Variants in CADM2 observed in about 807,000 individuals in gnomAD.
CADM2 encodes cell adhesion molecule 2.
CADM2 carries 12 observed loss-of-function variants against 49.8 expected under a neutral mutation model. The observed-to-expected ratio is 0.24, with a 90% CI of 0.15 to 0.39. CADM2 has a LOEUF of 0.39. CADM2 is among the 10% of genes least tolerant of loss of function. The pLI is 1.00. For missense variants in CADM2, 378 were observed against 492.3 expected, an observed-to-expected ratio of 0.77 and a Z score of 2.20; for synonymous variants, 214 against 175.4, an observed-to-expected ratio of 1.22 and a Z score of -1.74.
chr3:85,349,963 T>A (rs763881936), intron 1 of CADM2, among the ~76,000 whole-genome samples: 3 of 152,212 alleles, frequency 2.0e-5, no homozygotes, highest in Non-Finnish European at 2.9e-5. Context: ...TGCCTGCTGA[T>A]GTTTCATTGA....
intron 1 of CADM2, among the ~76,000 whole-genome samples, chr3:85,157,756 T>A (rs564944406): frequency 2.0e-5 from 3 of 151,906 alleles, no homozygotes; most frequent in South Asian, 2.1e-4. Flanking sequence ...AACCTAGGCA[T>A]TACCATTCAG....
At chr3:85,989,155 C>T (rs933182410) in intron 8 of CADM2, among the ~76,000 whole-genome samples, 3 of 152,094 alleles carry the variant, frequency 2.0e-5, no homozygotes, top group Non-Finnish European at 4.4e-5. Context: ...TAATGGCCAT[C>T]TCAAAGGGGT....
rs372578882 is a variant in CADM2 at position 86,021,850 on chromosome 3, TAA to T, written c.971-43754_971-43753del. 1.6e-4 allele frequency among the ~76,000 whole-genome samples: 24 copies of T among 152,150 alleles called. 1 individual carries two copies. Among genetic ancestry groups the T allele is most frequent in the African/African-American group, 5.5e-4 (23 of 41,512 alleles). On this transcript the variant is annotated intron_variant, in intron 8 of 9. Coordinates refer to ENST00000383699, the MANE Select transcript of CADM2 (RefSeq NM_001167675.2). Reference sequence around the variant, plus strand: ...GGATAGGGAAAGAAATGGAAAGATATAAGTCAAGAGATAAAGTAGCAGATATA... The same window carrying T: ...GGATAGGGAAAGAAATGGAAAGATATGTCAAGAGATAAAGTAGCAGATATA...
Position 86,066,959 on chromosome 3 carries a change from T to C in CADM2, c.*176T>C, listed in dbSNP as rs896573254. ...GCTGTTGAAAGCATCATTCTTTAAT[T>C]ACTGTACCATCCATAATGCAGGACA... On this transcript the variant is annotated 3_prime_UTR_variant, in exon 10 of 10. Coordinates refer to ENST00000383699, the MANE Select transcript of CADM2 (RefSeq NM_001167675.2). The C allele has an allele frequency of 1.7e-6, 1 of 605,406 alleles. No homozygotes were observed. The highest frequency in any genetic ancestry group is 1.9e-5 in the African/African-American group (1 of 53,858). The allele number at this position is 605,406 out of a possible 1,614,324, so 37.5% of individuals were successfully genotyped here.
At chr3:84,969,250 C>G (rs923791609) in intron 1 of CADM2, among the ~76,000 whole-genome samples, 3 of 151,840 alleles carry the variant, frequency 2.0e-5, no homozygotes, top group African/African-American at 7.2e-5. Flanking sequence ...CAATAAAAAG[C>G]GTTTTATAAG....
chr3:85,068,885 T>G (rs1042427566), intron 1 of CADM2, among the ~76,000 whole-genome samples: 6 of 152,150 alleles, frequency 3.9e-5, no homozygotes, highest in Non-Finnish European at 5.9e-5. Context: ...GATTGTTCTA[T>G]GGTAATGAAT....
intron 1 of CADM2, among the ~76,000 whole-genome samples, chr3:85,400,780 G>A (rs1008453479): frequency 6.6e-6 from 1 of 152,074 alleles, no homozygotes; most frequent in African/African-American, 2.4e-5. Flanking sequence ...GGGACAAGAC[G>A]CAGGCGGAGG....
chr3:85,212,812 C>CTCTTTCTTTCTTTCCTTCTT lies in CADM2; in HGVS notation c.61+253158_61+253159insCTTCTTTCTTTCTTTCTTTC, dbSNP rs1559723534. On this transcript the variant is annotated intron_variant, in intron 1 of 9. Transcript: ENST00000383699. ...CTTCAGATATTTTCTTCTTTTTCTT[C>CTCTTTCTTTCTTTCCTTCTT]TCTTTCTTTCTTTCTTTCTTTCTTT... Among the ~76,000 whole-genome samples the CTCTTTCTTTCTTTCCTTCTT allele has an allele frequency of 1.4e-4, 14 of 102,542 alleles. 3 individuals are homozygous for CTCTTTCTTTCTTTCCTTCTT. Among genetic ancestry groups the CTCTTTCTTTCTTTCCTTCTT allele is most frequent in the Non-Finnish European group, 2.2e-4 (11 of 48,950 alleles). The allele number at this position is 102,542 out of a possible 152,430, so 67.3% of individuals were successfully genotyped here.
At chr3:85,272,494 C>G (rs2043264992) in intron 1 of CADM2, among the ~76,000 whole-genome samples, 1 of 151,124 alleles carries the variant, frequency 6.6e-6, no homozygotes, top group African/African-American at 2.4e-5. Context: ...AAACAACTTT[C>G]TATAAAAATG....
chr3:85,317,673 G>T (rs957834710), intron 1 of CADM2, among the ~76,000 whole-genome samples: 3 of 152,096 alleles, frequency 2.0e-5, no homozygotes, highest in Admixed American at 6.5e-5. Flanking sequence ...CTTTTTTATA[G>T]TGGGATTTAT....
chr3:85,329,678 T>A (rs936361024), intron 1 of CADM2, among the ~76,000 whole-genome samples: 1 of 152,214 alleles, frequency 6.6e-6, no homozygotes, highest in Non-Finnish European at 1.5e-5. Context: ...AAAGTAAGTA[T>A]GTATTTATAT....
In CADM2 at chr3:85,105,707, A is replaced by G. The variant is rs548803290; in HGVS notation, c.61+146039A>G. Among the ~76,000 whole-genome samples, 19 of 152,318 alleles carry G rather than the reference A, an allele frequency of 1.2e-4. 1 individual carries two copies. The East Asian group carries it at 3.3e-3, about 26-fold the overall frequency. On this transcript the variant is annotated intron_variant, in intron 1 of 9. Transcript: ENST00000383699. ...TTGGAACCAACCCAAATGTCCAACA[A>G]TGATAGACTGGATTAAGAAAATATG...
chr3:85,019,543 A>G (rs777479155), intron 1 of CADM2, among the ~76,000 whole-genome samples: 8 of 152,162 alleles, frequency 5.3e-5, no homozygotes, highest in Non-Finnish European at 1.0e-4. Context: ...TGAGCAAACC[A>G]AAACAATTGG....
chr3:85,820,298 T>C (rs954044474), intron 3 of CADM2, among the ~76,000 whole-genome samples: 3 of 152,042 alleles, frequency 2.0e-5, no homozygotes, highest in African/African-American at 7.2e-5. Flanking sequence ...AGTTAGATGA[T>C]CCTATAAACA....
chr3:85,131,530 T>A (rs1428122839), intron 1 of CADM2, among the ~76,000 whole-genome samples: 1 of 152,156 alleles, frequency 6.6e-6, no homozygotes, highest in African/African-American at 2.4e-5. Flanking sequence ...ACCCCTATAA[T>A]GGAGACAAAT....
At chr3:85,801,986 T>TCGGTGGTC in intron 2 of CADM2, 61 bp from the exon 3 acceptor site, 1 of 1,415,018 alleles carries the variant, frequency 7.1e-7, no homozygotes, top group South Asian at 1.3e-5. Context: ...AGTGTAGATC[T>TCGGTGGTC]TAGGCAGTTA....
intron 1 of CADM2, among the ~76,000 whole-genome samples, chr3:85,431,048 T>G (rs1174163153): frequency 1.3e-5 from 2 of 152,132 alleles, no homozygotes; most frequent in East Asian, 1.9e-4. Context: ...AGTGGTCTCA[T>G]AAGATTATAA....
chr3:85,093,535 G>T (rs1333134002), intron 1 of CADM2, among the ~76,000 whole-genome samples: 2 of 151,418 alleles, frequency 1.3e-5, no homozygotes, highest in Non-Finnish European at 2.9e-5. Flanking sequence ...TCTTCATACT[G>T]ATTGTTAAAT....
rs561743258 is a variant in CADM2, at chr3:86,023,900, A to C, written c.971-41705A>C. On this transcript the variant is annotated intron_variant, in intron 8 of 9. Coordinates refer to ENST00000383699, the MANE Select transcript of CADM2 (RefSeq NM_001167675.2). ...AAAATTCTGAAGAATTCAAGGTTTGATTTAGCTCCTTGTTTCTATTTCCCA... is the reference window on the plus strand; with the variant it reads ...AAAATTCTGAAGAATTCAAGGTTTGCTTTAGCTCCTTGTTTCTATTTCCCA... 2.0e-5 allele frequency among the ~76,000 whole-genome samples: 3 copies of C among 152,260 alleles called. No individual in the cohort carries two copies. In the South Asian group the frequency reaches 6.2e-4, roughly 32 times the overall value.
Sources: gnomAD v4.1 joint callset for allele counts (sites outside exome capture counted in the v4.1 genomes callset) on GRCh38, gnomAD v4.1.1 for gene constraint, MANE v1.5 for transcripts, NCBI Gene and HGNC (gene_info 2026-07-23, HGNC 2026-07-21) for gene names.